Variants in ALDH1L2 observed in about 807,000 individuals in gnomAD.
The protein encoded by ALDH1L2 is aldehyde dehydrogenase 1 family member L2.
In ALDH1L2, 91 loss-of-function variants were observed where a neutral mutation model predicts 111.0. That is an observed-to-expected ratio of 0.82 (90% CI 0.69 to 0.98). The LOEUF (loss-of-function observed/expected upper bound fraction) is 0.98, where lower values mean the gene tolerates loss of function less well. ALDH1L2 is among the 50% of genes least tolerant of loss of function. The pLI, the probability that ALDH1L2 is intolerant of heterozygous loss-of-function variation, is 0.00. For synonymous variants in ALDH1L2, 374 were observed against 392.6 expected (o/e 0.95, Z 0.56); for missense variants, 995 against 1,126.8 (o/e 0.88, Z 1.67).
At position 105,033,094 on chromosome 12, in the gene ALDH1L2, G is replaced by T. The variant is rs118010402; in HGVS notation, c.2245-1160C>A. Reference sequence around the variant, plus strand: ...AGCAGGTCCATGACTTTGAATTTAGGCCTGGCCGTAATCTCTTAGTGCGTT... The same window carrying T: ...AGCAGGTCCATGACTTTGAATTTAGTCCTGGCCGTAATCTCTTAGTGCGTT... On this transcript the variant is annotated intron_variant, in intron 19 of 22. Coordinates refer to ENST00000258494, the MANE Select transcript of ALDH1L2 (RefSeq NM_001034173.4). 5.3e-3 allele frequency among the ~76,000 whole-genome samples: 802 copies of T among 152,222 alleles called. 24 individuals are homozygous for T. In the East Asian group the frequency reaches 0.093, roughly 18 times the overall value.
chr12:105,032,841 T>G (rs1269786148), intron 19 of ALDH1L2, among the ~76,000 whole-genome samples: 1 of 151,780 alleles, frequency 6.6e-6, no homozygotes, highest in Non-Finnish European at 1.5e-5. Context: ...CATTGTTATC[T>G]TTTTTTTTCC....
intron 1 of ALDH1L2, among the ~76,000 whole-genome samples, chr12:105,077,653 CAAAT>C (rs1376513879): frequency 6.7e-6 from 1 of 148,952 alleles, no homozygotes; most frequent in African/African-American, 2.5e-5. Flanking sequence ...TCCAAATTGT[CAAAT>C]AATGCATTCC....
intron 6 of ALDH1L2, among the ~76,000 whole-genome samples, chr12:105,063,894 T>C (rs1877171481): frequency 6.6e-6 from 1 of 152,120 alleles, no homozygotes; most frequent in Admixed American, 6.5e-5. Flanking sequence ...ATTATGATTA[T>C]GCTATAATGG....
intron 16 of ALDH1L2, 93 bp downstream of exon 16, chr12:105,040,514 T>C (rs1208838569): frequency 2.7e-6 from 3 of 1,116,352 alleles, no homozygotes; most frequent in East Asian, 2.4e-5. Context: ...AATACAGTTA[T>C]AATTCAGGAC....
intron 10 of ALDH1L2, among the ~76,000 whole-genome samples, chr12:105,055,841 T>A: frequency 6.6e-6 from 1 of 150,600 alleles, no homozygotes; most frequent in Non-Finnish European, 1.5e-5. Context: ...TTCAAGAAGG[T>A]GAAAAAAGCC....
In ALDH1L2 at chr12:105,063,108, G is replaced by A. The variant is rs181054232; in HGVS notation, c.787-86C>T. ...TATAAGCATCATTCTCTGCAAAAAC[G>A]CTGAAGTTCATATTATCATCTGTAA... On this transcript the variant is annotated intron_variant, in intron 6 of 22. Transcript: ENST00000258494. 1.2e-3 allele frequency: 1,659 copies of A among 1,378,632 alleles called. 9 individuals are homozygous for A. The highest frequency in any genetic ancestry group is 1.1e-3 in the Non-Finnish European group (1,132 of 1,038,074). The allele number at this position is 1,378,632 out of a possible 1,614,324, so 85.4% of individuals were successfully genotyped here. A position where few individuals can be genotyped will look rare whatever the true frequency, so the allele number is the denominator to read the frequency against.
intron 10 of ALDH1L2, among the ~76,000 whole-genome samples, chr12:105,054,050 G>A (rs943803333): frequency 6.6e-6 from 1 of 151,932 alleles, no homozygotes; most frequent in Non-Finnish European, 1.5e-5. Context: ...TATAAATAGG[G>A]TAAAAATAAT....
rs149967559 is a variant in ALDH1L2 at position 105,025,203 on chromosome 12, G to A, written c.2717-724C>T. On this transcript the variant is annotated intron_variant, in intron 22 of 22. Coordinates refer to ENST00000258494, the MANE Select transcript of ALDH1L2 (RefSeq NM_001034173.4). Reference sequence around the variant, plus strand: ...AAAACAAGGGCTGTCAACTTTGTCCGCATGTTAGAATCACTCAGGGAGCTT... The same window carrying A: ...AAAACAAGGGCTGTCAACTTTGTCCACATGTTAGAATCACTCAGGGAGCTT... 5.9e-5 allele frequency among the ~76,000 whole-genome samples: 9 copies of A among 152,178 alleles called. No individual in the cohort carries two copies. The East Asian group carries it at 9.7e-4, about 16-fold the overall frequency.
At chr12:105,060,368 G>C (rs1876913263) in intron 9 of ALDH1L2, 1 of 152,114 alleles carries the variant, frequency 6.6e-6, no homozygotes, top group Non-Finnish European at 1.5e-5. Flanking sequence ...AGGAAAATTA[G>C]CTAAGAAACT....
At chr12:105,046,193 C>CTATATATATATA (rs1555225141) in intron 15 of ALDH1L2, among the ~76,000 whole-genome samples, 5 of 20,176 alleles carry the variant, frequency 2.5e-4, no homozygotes, top group Non-Finnish European at 4.2e-4. Context: ...CTCTCTCTCT[C>CTATATATATATA]TATATATATA....
intron 15 of ALDH1L2, among the ~76,000 whole-genome samples, chr12:105,045,849 A>G (rs1197433290): frequency 2.6e-5 from 4 of 152,042 alleles, no homozygotes. Context: ...GACCAAGTTT[A>G]CTCCACGACT....
chr12:105,052,792 C>T lies in ALDH1L2; in HGVS notation c.1407+20G>A. ...AAATCCATGACCAGTGATCACTACTCACACTAAAGAATTACTCACAGATCC... is the reference window on the plus strand; with the variant it reads ...AAATCCATGACCAGTGATCACTACTTACACTAAAGAATTACTCACAGATCC... On this transcript the variant is annotated intron_variant, in intron 11 of 22. Transcript: ENST00000258494. 1.2e-6 allele frequency: 2 copies of T among 1,613,772 alleles called. No individual in the cohort carries two copies. Among genetic ancestry groups the T allele is most frequent in the Non-Finnish European group, 1.7e-6 (2 of 1,179,836 alleles).
At chr12:105,028,755 T>C (rs1031007211) in intron 21 of ALDH1L2, among the ~76,000 whole-genome samples, 4 of 152,186 alleles carry the variant, frequency 2.6e-5, no homozygotes, top group African/African-American at 9.7e-5. Flanking sequence ...CCATAGCACA[T>C]TGTTTATGTC....
intron 15 of ALDH1L2, among the ~76,000 whole-genome samples, chr12:105,043,176 A>G (rs537288349): frequency 6.7e-6 from 1 of 149,246 alleles, no homozygotes; most frequent in Non-Finnish European, 1.5e-5. Flanking sequence ...CACAAGACCA[A>G]GAGGGTGGCA....
intron 22 of ALDH1L2, among the ~76,000 whole-genome samples, chr12:105,025,244 C>T (rs568655619): frequency 6.6e-6 from 1 of 152,262 alleles, no homozygotes; most frequent in South Asian, 2.1e-4. Context: ...ACTCCTGACC[C>T]CACATCACAC....
At position 105,073,983 on chromosome 12, in the gene ALDH1L2, T is replaced by G; in HGVS notation, c.71A>C (p.Lys24Thr). 1.9e-6 allele frequency: 3 copies of G among 1,614,184 alleles called. No homozygotes were observed. Among genetic ancestry groups the G allele is most frequent in the Non-Finnish European group, 2.5e-6 (3 of 1,180,030 alleles). The stretch of plus-strand genomic sequence containing the variant: ...GAGGCTCTGGCCAATTAGTGCCAAC[T>G]TCAGCTTGTTTTTGAAATAAACCTG... ...TGRVYFKNKL[K>T]LALIGQSLFG... Residue 24 changes from lysine to threonine, a missense_variant, in exon 2 of 23, where the codon AAG becomes ACG. Transcript: ENST00000258494.
Position 105,070,763 on chromosome 12 carries a change from G to GAAGCTTGA in ALDH1L2, c.227_234dup (p.Pro79SerfsTer27), listed in dbSNP as rs1376038199. The GAAGCTTGA allele has an allele frequency of 6.2e-7, 1 of 1,614,006 alleles. No individual in the cohort carries two copies. The highest frequency in any genetic ancestry group is 1.3e-5 in the African/African-American group (1 of 74,902). The stretch of plus-strand genomic sequence containing the variant: ...GTCTTGCCCTTGACCCTCCATTTAG[G>GAAGCTTGA]AAGCTTGAACACAGGGGTCCCATCT... On this transcript the variant is annotated frameshift_variant, in exon 3 of 23. Coordinates refer to ENST00000258494, the MANE Select transcript of ALDH1L2 (RefSeq NM_001034173.4). LOFTEE classifies it high-confidence loss of function.
intron 10 of ALDH1L2, among the ~76,000 whole-genome samples, chr12:105,056,355 C>G (rs962532416): frequency 1.3e-5 from 2 of 152,014 alleles, no homozygotes; most frequent in African/African-American, 4.8e-5. Flanking sequence ...CCCAAGTGAA[C>G]AAAAACAGAA....
chr12:105,070,178 C>T (rs1047142459), intron 3 of ALDH1L2, among the ~76,000 whole-genome samples: 10 of 152,120 alleles, frequency 6.6e-5, no homozygotes, highest in Non-Finnish European at 1.0e-4. Context: ...ACCATAAAAC[C>T]TTTGTTTGCT....
Sources: allele counts gnomAD v4.1 joint callset (sites outside exome capture counted in the v4.1 genomes callset), GRCh38; gene constraint gnomAD v4.1.1; transcripts MANE v1.5; gene names NCBI Gene and HGNC (gene_info 2026-07-23, HGNC 2026-07-21).